STX18: variants seen among roughly 807,000 people sequenced by gnomAD.
STX18 encodes syntaxin 18.
A neutral mutation model predicts 50.1 loss-of-function variants in STX18; 40 were observed. That is an observed-to-expected ratio of 0.80 (90% confidence interval 0.62 to 1.04). The LOEUF (loss-of-function observed/expected upper bound fraction) is 1.04. STX18 is among the 50% of genes least tolerant of loss of function. The pLI is 0.00. For missense variants in STX18, 410 were observed against 415.8 expected, an observed-to-expected ratio of 0.99 and a Z score of 0.12; for synonymous variants, 158 against 151.8, an observed-to-expected ratio of 1.04 and a Z score of -0.30.
At chr4:4,529,672 G>A (rs1731001027) in intron 1 of STX18, among the ~76,000 whole-genome samples, 1 of 152,132 alleles carries the variant, frequency 6.6e-6, no homozygotes, top group Non-Finnish European at 1.5e-5. Context: ...CACGTGCCAG[G>A]ACTACTCATC....
At chr4:4,502,567 T>C (rs1729505503) in intron 1 of STX18, among the ~76,000 whole-genome samples, 1 of 152,160 alleles carries the variant, frequency 6.6e-6, no homozygotes, top group Non-Finnish European at 1.5e-5. Flanking sequence ...CCTGTATTCA[T>C]TATCAGTGAA....
chr4:4,540,479 G>A (rs913191728), intron 1 of STX18, among the ~76,000 whole-genome samples: 2 of 152,178 alleles, frequency 1.3e-5, no homozygotes, highest in Non-Finnish European at 2.9e-5. Flanking sequence ...AGCCTGAGAT[G>A]TCCTTCTGCA....
At chr4:4,524,986 A>T (rs1730683074) in intron 1 of STX18, among the ~76,000 whole-genome samples, 1 of 152,180 alleles carries the variant, frequency 6.6e-6, no homozygotes, top group African/African-American at 2.4e-5. Context: ...GAAGCTAACA[A>T]GGTACAACAC....
chr4:4,520,482 C>T (rs887644339), intron 1 of STX18, among the ~76,000 whole-genome samples: 3 of 152,164 alleles, frequency 2.0e-5, no homozygotes, highest in Non-Finnish European at 4.4e-5. Flanking sequence ...AATATTTTTG[C>T]TTCTATATCA....
intron 6 of STX18, among the ~76,000 whole-genome samples, chr4:4,436,140 T>C (rs1198911112): frequency 6.6e-6 from 1 of 152,174 alleles, no homozygotes; most frequent in Non-Finnish European, 1.5e-5. Flanking sequence ...AACGTAATGA[T>C]AGCAACAATG....
intron 9 of STX18, among the ~76,000 whole-genome samples, chr4:4,421,371 C>G (rs1724952105): frequency 6.6e-6 from 1 of 152,086 alleles, no homozygotes; most frequent in Non-Finnish European, 1.5e-5. Context: ...CCACTTCAGC[C>G]TCCCAAGTAG....
chr4:4,487,129 C>T (rs1444419694), intron 1 of STX18, among the ~76,000 whole-genome samples: 4 of 152,002 alleles, frequency 2.6e-5, no homozygotes, highest in Non-Finnish European at 5.9e-5. Flanking sequence ...CACACACACA[C>T]GAGACACACG....
intron 1 of STX18, among the ~76,000 whole-genome samples, chr4:4,532,923 T>C (rs1483584366): frequency 2.1e-5 from 3 of 143,104 alleles, no homozygotes; most frequent in African/African-American, 5.5e-5. Flanking sequence ...TGTTACAATA[T>C]TGTGAAATGG....
At chr4:4,488,826 G>T (rs1313995056) in intron 1 of STX18, among the ~76,000 whole-genome samples, 1 of 152,174 alleles carries the variant, frequency 6.6e-6, no homozygotes, top group East Asian at 1.9e-4. Context: ...TAAGAGCCAG[G>T]AGACAGTCAG....
At chr4:4,432,376 A>G (rs1243529190) in intron 7 of STX18, among the ~76,000 whole-genome samples, 1 of 152,268 alleles carries the variant, frequency 6.6e-6, no homozygotes, top group Non-Finnish European at 1.5e-5. Context: ...GATGGCATGC[A>G]TGCCACAGTC....
At chr4:4,456,498 C>T (rs186186903) in intron 5 of STX18, among the ~76,000 whole-genome samples, 244 of 152,322 alleles carry the variant, frequency 1.6e-3, no homozygotes, top group African/African-American at 5.7e-3. Flanking sequence ...GGAAACCAGG[C>T]AGGCGCCATG....
At chr4:4,522,492 A>G (rs28432806) in intron 1 of STX18, among the ~76,000 whole-genome samples, 57,708 of 151,748 alleles carry the variant, frequency 0.38, 10,954 homozygotes, top group South Asian at 0.47. Context: ...CATATCCCTG[A>G]CCATAATGGG....
At chr4:4,523,855 G>GCCATTCCTCTC (rs1219641006) in intron 1 of STX18, among the ~76,000 whole-genome samples, 1 of 151,976 alleles carries the variant, frequency 6.6e-6, no homozygotes, top group African/African-American at 2.4e-5. Flanking sequence ...TCGAGATAAT[G>GCCATTCCTCTC]CCATTCCTCT....
At chr4:4,513,247 C>A (rs1730089234) in intron 1 of STX18, among the ~76,000 whole-genome samples, 1 of 152,090 alleles carries the variant, frequency 6.6e-6, no homozygotes, top group Non-Finnish European at 1.5e-5. Flanking sequence ...GAGGGGGGGA[C>A]CCTCGTCTGG....
chr4:4,528,812 A>G (rs1412745241), intron 1 of STX18, among the ~76,000 whole-genome samples: 2 of 152,206 alleles, frequency 1.3e-5, no homozygotes, highest in African/African-American at 2.4e-5. Flanking sequence ...GCAGTGGTTA[A>G]AAAGCCCTGG....
chr4:4,496,526 C>A (rs1224627498), intron 1 of STX18, among the ~76,000 whole-genome samples: 1 of 152,198 alleles, frequency 6.6e-6, no homozygotes, highest in Non-Finnish European at 1.5e-5. Flanking sequence ...CAGTCTCTAC[C>A]CTTTCTAATG....
intron 1 of STX18, among the ~76,000 whole-genome samples, chr4:4,520,654 CTTTG>C (rs1040601452): frequency 3.9e-5 from 6 of 152,080 alleles, no homozygotes; most frequent in African/African-American, 7.2e-5. Flanking sequence ...TCTAGCTGGC[CTTTG>C]TTTGTGTTTA....
chr4:4,496,464 G>A (rs140637179), intron 1 of STX18, among the ~76,000 whole-genome samples: 2 of 152,010 alleles, frequency 1.3e-5, no homozygotes, highest in East Asian at 1.9e-4. Context: ...ACCCCCTTTC[G>A]CTCACCCCAT....
At chr4:4,518,231 G>T (rs538212579) in intron 1 of STX18, among the ~76,000 whole-genome samples, 5 of 152,092 alleles carry the variant, frequency 3.3e-5, no homozygotes, top group Non-Finnish European at 7.4e-5. Flanking sequence ...TCTTATAACG[G>T]TTTGTTAAAC....
Sources: gnomAD v4.1 joint callset for allele counts (sites outside exome capture counted in the v4.1 genomes callset) on GRCh38, gnomAD v4.1.1 for gene constraint, MANE v1.5 for transcripts, NCBI Gene and HGNC (gene_info 2026-07-23, HGNC 2026-07-21) for gene names.